Variants in CEP126 observed in about 807,000 individuals in gnomAD.
CEP126 encodes the protein centrosomal protein 126.
In CEP126, 74 loss-of-function variants were observed where a neutral mutation model predicts 107.8. The observed-to-expected ratio is 0.69, with a 90% CI of 0.57 to 0.83. The LOEUF (loss-of-function observed/expected upper bound fraction) is 0.83. CEP126 is among the 40% of genes least tolerant of loss of function. CEP126 has a pLI of 0.00. For missense variants in CEP126, 1,237 were observed against 1,281.9 expected, an observed-to-expected ratio of 0.96 and a Z score of 0.53; for synonymous variants, 449 against 446.0, an observed-to-expected ratio of 1.01 and a Z score of -0.08.
At chr11:101,994,863 G>A (rs1348321547) in intron 10 of CEP126, among the ~76,000 whole-genome samples, 1 of 141,104 alleles carries the variant, frequency 7.1e-6, no homozygotes, top group Non-Finnish European at 1.5e-5. Context: ...TCTTTTCTGT[G>A]TCTTGAGAGT....
At chr11:101,947,865 T>C (rs147645569) in intron 3 of CEP126, among the ~76,000 whole-genome samples, 166 bp from the exon 4 acceptor site, 87 of 152,286 alleles carry the variant, frequency 5.7e-4, no homozygotes, top group African/African-American at 2.0e-3. Context: ...ACATTCTCTT[T>C]TGGGAATTGA....
intron 3 of CEP126, among the ~76,000 whole-genome samples, chr11:101,947,718 G>T (rs752788270): frequency 1.2e-4 from 18 of 152,038 alleles, no homozygotes; most frequent in Non-Finnish European, 2.2e-4. Context: ...TTTATAAATT[G>T]TGTCATAAGT....
chr11:101,966,201 G>A (rs1941055617), intron 6 of CEP126, among the ~76,000 whole-genome samples: 1 of 152,054 alleles, frequency 6.6e-6, no homozygotes, highest in African/African-American at 2.4e-5. Flanking sequence ...TATTAATACA[G>A]CGATTATACT....
intron 9 of CEP126, among the ~76,000 whole-genome samples, chr11:101,988,456 T>C (rs943647847): frequency 6.6e-6 from 1 of 152,074 alleles, no homozygotes; most frequent in African/African-American, 2.4e-5. Context: ...TAAGACAATA[T>C]CTAAAGTGAT....
At chr11:101,952,663 G>T (rs993556060) in intron 4 of CEP126, among the ~76,000 whole-genome samples, 1 of 151,886 alleles carries the variant, frequency 6.6e-6, no homozygotes, top group Admixed American at 6.6e-5. Flanking sequence ...TGAATATGAG[G>T]GAAGAATAGA....
At position 101,919,064 on chromosome 11, in the gene CEP126, G is replaced by A. The variant is rs55714148; in HGVS notation, c.129-3577G>A. Reference sequence around the variant, plus strand: ...GTCCAAGAACTTTGGAATTTTTCATGAAGGTGATAGGGAGCTTTTGGAGAA... The same window carrying A: ...GTCCAAGAACTTTGGAATTTTTCATAAAGGTGATAGGGAGCTTTTGGAGAA... On this transcript the variant is annotated intron_variant, in intron 1 of 10. Transcript: ENST00000263468. 1.0e-3 allele frequency among the ~76,000 whole-genome samples: 152 copies of A among 152,312 alleles called. 1 individual carries two copies. Among genetic ancestry groups the A allele is most frequent in the African/African-American group, 3.5e-3 (146 of 41,562 alleles).
At chr11:101,947,739 A>G (rs1373721593) in intron 3 of CEP126, among the ~76,000 whole-genome samples, 5 of 152,140 alleles carry the variant, frequency 3.3e-5, no homozygotes, top group Admixed American at 3.3e-4. Context: ...TTATGGCACT[A>G]TGAGATCAAA....
chr11:101,955,942 T>C lies in CEP126; in HGVS notation c.507-2226T>C, dbSNP rs771910058. 54 of 456,440 alleles carry C rather than the reference T, an allele frequency of 1.2e-4. No individual in the cohort carries two copies. The Middle Eastern group carries it at 6.5e-3, about 55-fold the overall frequency. 28.3% of individuals were successfully genotyped at this position (456,440 alleles called of 1,614,324 possible). The stretch of plus-strand genomic sequence containing the variant: ...CTGCCCGCCAGCCCCATATACTGCC[T>C]ATCCATCCATCTGTACCCTCTACTC... On this transcript the variant is annotated intron_variant, in intron 4 of 10. Coordinates refer to ENST00000263468, the MANE Select transcript of CEP126 (RefSeq NM_020802.4).
At chr11:101,923,431 AT>A (rs1158401308) in intron 2 of CEP126, among the ~76,000 whole-genome samples, 1 of 152,174 alleles carries the variant, frequency 6.6e-6, no homozygotes, top group Non-Finnish European at 1.5e-5. Flanking sequence ...CAGTTATGCC[AT>A]TTTTTAATTG....
chr11:101,962,726 A>G lies in CEP126; in HGVS notation c.1691A>G (p.Tyr564Cys). 6.2e-7 allele frequency: 1 copy of G among 1,613,074 alleles called. No individual in the cohort carries two copies. Among genetic ancestry groups the G allele is most frequent in the East Asian group, 2.2e-5 (1 of 44,804 alleles). Residue 564 changes from tyrosine to cysteine, a missense_variant, in exon 6 of 11, where the codon TAC (tyrosine) becomes TGC (cysteine). Around this residue, in one of 3 missense-constraint regions of CEP126, gnomAD observed 1,134 missense variants for 1,150.5 expected, o/e 0.99. Coordinates refer to ENST00000263468, the MANE Select transcript of CEP126 (RefSeq NM_020802.4). ...GTTGGCCAGCATAAGAAAATGAAAT[A>G]CAACATCCATGAGAGAAATGGTGTG... ...DFVGQHKKMK[Y>C]NIHERNGVRF...
intron 8 of CEP126, among the ~76,000 whole-genome samples, chr11:101,983,133 A>T (rs1941276456): frequency 6.6e-6 from 1 of 152,254 alleles, no homozygotes; most frequent in South Asian, 2.1e-4. Flanking sequence ...TTTGTGATGT[A>T]AAGATATTGT....
intron 9 of CEP126, among the ~76,000 whole-genome samples, chr11:101,989,198 A>T (rs983638721): frequency 6.6e-6 from 1 of 152,214 alleles, no homozygotes; most frequent in Non-Finnish European, 1.5e-5. Flanking sequence ...TAAATAAATC[A>T]TGATTCTGAA....
chr11:101,915,235 C>T lies in CEP126; in HGVS notation c.-50C>T, dbSNP rs776580879. ...CAGGAGGAGGAGGAAGCCGGAGCTG[C>T]CATGAGGGAGGTTCTGGGGGCGAGC... On this transcript the variant is annotated 5_prime_UTR_variant, in exon 1 of 11. Coordinates refer to ENST00000263468, the MANE Select transcript of CEP126 (RefSeq NM_020802.4). The T allele has an allele frequency of 3.2e-5, 52 of 1,607,304 alleles. No homozygotes were observed. In the South Asian group the frequency reaches 3.4e-4, roughly 11 times the overall value.
chr11:101,975,523 T>G (rs1173853007), intron 6 of CEP126, among the ~76,000 whole-genome samples: 4 of 152,238 alleles, frequency 2.6e-5, no homozygotes, highest in Non-Finnish European at 4.4e-5. Context: ...ACTGGCTCTG[T>G]GACCTTGGGC....
At chr11:101,920,452 A>T (rs1330396471) in intron 1 of CEP126, among the ~76,000 whole-genome samples, 1 of 152,098 alleles carries the variant, frequency 6.6e-6, no homozygotes, top group Non-Finnish European at 1.5e-5. Flanking sequence ...AGAATTTTGG[A>T]CCTCCATCTT....
At chr11:101,945,251 A>C (rs1431677568) in intron 3 of CEP126, among the ~76,000 whole-genome samples, 1 of 152,242 alleles carries the variant, frequency 6.6e-6, no homozygotes, top group Non-Finnish European at 1.5e-5. Context: ...TTAACAAATG[A>C]GCATATTGCA....
In CEP126 at chr11:101,999,442, G is replaced by A. The variant is rs1941481395; in HGVS notation, c.*1799G>A. On this transcript the variant is annotated 3_prime_UTR_variant, in exon 11 of 11. Coordinates refer to ENST00000263468, the MANE Select transcript of CEP126 (RefSeq NM_020802.4). ...TAGGAACCAAAGAATGCCTCTACAA[G>A]CAAAAAGATAGTTGAAAATAGTTAA... 1.0e-5 allele frequency: 1 copy of A among 97,046 alleles called. No individual in the cohort carries two copies. Among genetic ancestry groups the A allele is most frequent in the South Asian group, 3.3e-4 (1 of 3,054 alleles). The allele number at this position is 97,046 out of a possible 1,614,324, so 6.0% of individuals were successfully genotyped here. A position where few individuals can be genotyped will look rare whatever the true frequency, so the allele number is the denominator to read the frequency against.
At chr11:101,970,809 C>G (rs79668548) in intron 6 of CEP126, among the ~76,000 whole-genome samples, 1 of 152,062 alleles carries the variant, frequency 6.6e-6, no homozygotes, top group South Asian at 2.1e-4. Flanking sequence ...TTAATTCTCA[C>G]AATAAATCTG....
At chr11:101,973,670 T>G (rs1189392282) in intron 6 of CEP126, among the ~76,000 whole-genome samples, 1 of 152,164 alleles carries the variant, frequency 6.6e-6, no homozygotes, top group Non-Finnish European at 1.5e-5. Context: ...TTAAAATTTT[T>G]TTTAAAAAGC....
Sources: allele counts gnomAD v4.1 joint callset (sites outside exome capture counted in the v4.1 genomes callset), GRCh38; gene constraint gnomAD v4.1.1; regional missense constraint gnomAD v4.1.1; transcripts MANE v1.5; gene names NCBI Gene and HGNC (gene_info 2026-07-23, HGNC 2026-07-21).